ZNF721: variants seen among roughly 807,000 people sequenced by gnomAD.
The protein encoded by ZNF721 is zinc finger protein 721.
Under a neutral mutation model 2.4 loss-of-function variants are expected in ZNF721, and 2 were observed. That is an observed-to-expected ratio of 0.82 (90% CI 0.34 to 2.58). The LOEUF (loss-of-function observed/expected upper bound fraction) is 2.58, where lower values mean the gene tolerates loss of function less well. Among genes scored for constraint, ZNF721 ranks in the 30% most tolerant of loss-of-function variants. The probability of loss-of-function intolerance (pLI) is 0.11; values close to 1 mark genes in which losing one functional copy is unlikely to be tolerated. For missense variants in ZNF721, 1,187 were observed against 1,085.5 expected, an observed-to-expected ratio of 1.09 and a Z score of -1.31; for synonymous variants, 398 against 381.8, an observed-to-expected ratio of 1.04 and a Z score of -0.50.
At chr4:491,917 G>A (rs1716030873) in intron 1 of ZNF721, among the ~76,000 whole-genome samples, 1 of 152,168 alleles carries the variant, frequency 6.6e-6, no homozygotes, top group East Asian at 1.9e-4. Context: ...CACTTTGGGA[G>A]GCCAAGGCAG....
intron 1 of ZNF721, chr4:474,099 G>C: frequency 7.7e-7 from 1 of 1,290,510 alleles, no homozygotes; most frequent in Admixed American, 2.0e-5. Context: ...CTGAGGTGTG[G>C]AAGCAGGGAA....
intron 2 of ZNF721, among the ~76,000 whole-genome samples, chr4:470,639 A>G (rs73072108): frequency 0.41 from 63,013 of 151,850 alleles, 13,548 homozygotes; most frequent in African/African-American, 0.54. Flanking sequence ...GCTTGAACCC[A>G]GGAGGCAGAG....
chr4:469,895 T>G (rs915727228), intron 2 of ZNF721, among the ~76,000 whole-genome samples: 3 of 152,212 alleles, frequency 2.0e-5, no homozygotes, highest in Admixed American at 6.5e-5. Context: ...AGTAGAACTT[T>G]TTTTTTGAGA....
chr4:446,837 C>T (rs932448526), intron 2 of ZNF721, among the ~76,000 whole-genome samples: 4 of 151,960 alleles, frequency 2.6e-5, no homozygotes, highest in African/African-American at 7.3e-5. Flanking sequence ...GGACTACAGG[C>T]GCACCACCAC....
intron 2 of ZNF721, among the ~76,000 whole-genome samples, chr4:456,177 T>C (rs1416160962): frequency 6.6e-6 from 1 of 152,106 alleles, no homozygotes; most frequent in African/African-American, 2.4e-5. Flanking sequence ...TTCAAGTGAT[T>C]CTCCTGCCTT....
intron 1 of ZNF721, among the ~76,000 whole-genome samples, chr4:491,311 A>G (rs4690269): frequency 1 from 151,568 of 152,278 alleles, 75,438 homozygotes; most frequent in East Asian, 1. Flanking sequence ...CTAGCTACTC[A>G]GGAGGCTGAG....
chr4:475,880 C>T (rs1277900307), intron 1 of ZNF721, among the ~76,000 whole-genome samples: 1 of 152,110 alleles, frequency 6.6e-6, no homozygotes, highest in Non-Finnish European at 1.5e-5. Context: ...CCCTTGTTCT[C>T]CCGTTACCCT....
At chr4:454,680 A>G (rs1174458920) in intron 2 of ZNF721, among the ~76,000 whole-genome samples, 1 of 152,170 alleles carries the variant, frequency 6.6e-6, no homozygotes, top group Non-Finnish European at 1.5e-5. Context: ...ACAATTGAGG[A>G]TCAAACTGAG....
chr4:485,503 A>G (rs1339153915), intron 1 of ZNF721, among the ~76,000 whole-genome samples: 1 of 152,070 alleles, frequency 6.6e-6, no homozygotes, highest in African/African-American at 2.4e-5. Context: ...AACAGTGGTG[A>G]GTAGAGAACA....
chr4:441,675 T>TA lies in ZNF721; in HGVS notation c.*19dup. ...TGTTTAAGAATGCTGTAGTATGACT[T>TA]AAAGGCTTTGCCACATTCTTTACAC... On this transcript the variant is annotated 3_prime_UTR_variant, in exon 3 of 3. Transcript: ENST00000511833. The TA allele has an allele frequency of 6.4e-7, 1 of 1,574,616 alleles. No homozygotes were observed. The highest frequency in any genetic ancestry group is 8.6e-7 in the Non-Finnish European group (1 of 1,157,334).
At chr4:454,647 T>A (rs74447893) in intron 2 of ZNF721, among the ~76,000 whole-genome samples, 1 of 152,156 alleles carries the variant, frequency 6.6e-6, no homozygotes, top group Non-Finnish European at 1.5e-5. Context: ...GCCTTCCCCA[T>A]GTATCTGTAA....
chr4:469,844 T>C (rs539308722), intron 2 of ZNF721, among the ~76,000 whole-genome samples: 1 of 152,318 alleles, frequency 6.6e-6, no homozygotes, highest in Admixed American at 6.5e-5. Context: ...TGTCAATACA[T>C]GGTGCTAGAA....
At chr4:451,491 G>A (rs1304683998) in intron 2 of ZNF721, among the ~76,000 whole-genome samples, 1 of 152,072 alleles carries the variant, frequency 6.6e-6, no homozygotes, top group Non-Finnish European at 1.5e-5. Context: ...ACCCCTCCTC[G>A]TCTGTGCACA....
rs1714306796 is a variant in ZNF721, at chr4:442,779, C to A, written c.1688G>T (p.Gly563Val). 6.2e-7 allele frequency: 1 copy of A among 1,613,910 alleles called. No individual in the cohort carries two copies. Among genetic ancestry groups the A allele is most frequent in the Non-Finnish European group, 8.5e-7 (1 of 1,179,986 alleles). ...GEKPYTCEEC[G>V]KTFRQSANLY... is the part of the protein sequence containing the mutation. ...GTTTGCGGACTGTCTAAAGGTTTTGCCACATTCTTCACATGTGTAGGGTTT... is the reference window on the plus strand; with the variant it reads ...GTTTGCGGACTGTCTAAAGGTTTTGACACATTCTTCACATGTGTAGGGTTT... The change falls in exon 3 of 3, where the codon GGC becomes GTC. Residue 563 changes from glycine (G) to valine (V), a missense_variant. Transcript: ENST00000511833.
rs377359107 is a variant in ZNF721, at chr4:444,296, G to T, written c.171C>A (p.Asn57Lys). The change falls in exon 3 of 3, where the codon AAC becomes AAA. Residue 57 changes from asparagine (N) to lysine (K), a missense_variant. Physicochemically the swap from Asn to Lys is moderately conservative, Grantham distance 94. Coordinates refer to ENST00000511833, the MANE Select transcript of ZNF721 (RefSeq NM_133474.4). The stretch of plus-strand genomic sequence containing the variant: ...AAACTCCCTTCTGCACTTTACACAC[G>T]TTCATACTTTTACAGCCTTTCCTTA... The part of the protein sequence containing the change: ...LQLRKGCKSM[N>K]VCKVQKGVYN... The T allele has an allele frequency of 6.2e-7, 1 of 1,613,968 alleles. No homozygotes were observed. The highest frequency in any genetic ancestry group is 2.2e-5 in the East Asian group (1 of 44,862).
chr4:447,652 G>C (rs1241022807), intron 2 of ZNF721, among the ~76,000 whole-genome samples: 3 of 152,132 alleles, frequency 2.0e-5, no homozygotes, highest in African/African-American at 7.2e-5. Flanking sequence ...TTTTCTACAG[G>C]AGTCACTTGA....
rs59869428 is a variant in ZNF721 at position 456,050 on chromosome 4, TTTTATTTATTTA to T, written c.35-11630_35-11619del. On this transcript the variant is annotated intron_variant, in intron 2 of 2. Coordinates refer to ENST00000511833, the MANE Select transcript of ZNF721 (RefSeq NM_133474.4). ...AAACAGTCATGATCACCAAAAAAAT[TTTTATTTATTTA>T]TTTATTTATTTATTTATTTATTTAT... Among the ~76,000 whole-genome samples, 73 of 144,406 alleles carry T rather than the reference TTTTATTTATTTA, an allele frequency of 5.1e-4. No homozygotes were observed. The East Asian group carries it at 6.3e-3, about 13-fold the overall frequency. 94.7% of individuals were successfully genotyped at this position (144,406 alleles called of 152,430 possible). A position where few individuals can be genotyped will look rare whatever the true frequency, so the allele number is the denominator to read the frequency against.
chr4:473,498 C>T (rs573600696), intron 1 of ZNF721, among the ~76,000 whole-genome samples: 6 of 152,292 alleles, frequency 3.9e-5, no homozygotes, highest in African/African-American at 1.4e-4. Flanking sequence ...ATTCGCTTCA[C>T]TTCCTCACAC....
chr4:443,878 C>T lies in ZNF721; in HGVS notation c.589G>A (p.Asp197Asn). Residue 197 changes from aspartate (D) to asparagine (N), a missense_variant, in exon 3 of 3, where the codon GAT becomes AAT. Asp to Asn is a conservative substitution (Grantham distance 23). Transcript: ENST00000511833. The part of the protein sequence containing the change: ...HNREKAYTGE[D>N]RDRAFGWSTN... ...GACCATCCAAAGGCTCTGTCACGAT[C>T]TTCACCTGTGTAAGCTTTCTCTCTG... The T allele has an allele frequency of 1.2e-6, 2 of 1,614,012 alleles. No individual in the cohort carries two copies. The highest frequency in any genetic ancestry group is 1.7e-6 in the Non-Finnish European group (2 of 1,179,924).
Sources: gnomAD v4.1 joint callset for allele counts (sites outside exome capture counted in the v4.1 genomes callset) on GRCh38, gnomAD v4.1.1 for gene constraint, MANE v1.5 for transcripts, NCBI Gene and HGNC (gene_info 2026-07-23, HGNC 2026-07-21) for gene names.